Variants in KNSTRN observed in about 807,000 individuals in gnomAD.
The protein encoded by KNSTRN is kinetochore localized astrin (SPAG5) binding protein.
In KNSTRN, 38 loss-of-function variants were observed where a neutral mutation model predicts 44.7. That is an observed-to-expected ratio of 0.85 (90% CI 0.66 to 1.11). The LOEUF is 1.11. KNSTRN is among the 50% of genes most tolerant of loss of function. The pLI, the probability that KNSTRN is intolerant of heterozygous loss-of-function variation, is 0.00. For missense variants in KNSTRN, 406 were observed against 375.8 expected (o/e 1.08, Z -0.66); for synonymous variants, 158 against 148.1 (o/e 1.07, Z -0.48).
rs986152077 is a variant in KNSTRN at position 40,389,629 on chromosome 15, G to A, written c.591+18G>A. The A allele has an allele frequency of 6.4e-7, 1 of 1,573,890 alleles. No individual in the cohort carries two copies. ...AAACTCAGGTAAGAGACCCACCAGA[G>A]CTCTGTTACCAGCTGCCACTGGGCG... On this transcript the variant is annotated intron_variant, in intron 5 of 8. Transcript: ENST00000249776.
At chr15:40,385,934 A>G (rs1214454749) in intron 2 of KNSTRN, among the ~76,000 whole-genome samples, 6 of 152,232 alleles carry the variant, frequency 3.9e-5, no homozygotes, top group Non-Finnish European at 7.3e-5. Flanking sequence ...ATTAATCTTC[A>G]CATGTTGAAA....
chr15:40,388,991 A>G (rs1889950320), intron 4 of KNSTRN, among the ~76,000 whole-genome samples: 1 of 152,220 alleles, frequency 6.6e-6, no homozygotes, highest in Non-Finnish European at 1.5e-5. Flanking sequence ...CTTATTACTC[A>G]TAATAATAAT....
At chr15:40,383,190 G>T (rs750156271) in intron 1 of KNSTRN, 38 bp from the exon 2 acceptor site, 6 of 1,602,236 alleles carry the variant, frequency 3.7e-6, no homozygotes, top group Non-Finnish European at 5.1e-6. Flanking sequence ...CGGGCCCAGT[G>T]GCCCAGCGCT....
intron 4 of KNSTRN, 168 bp from the exon 5 acceptor site, chr15:40,389,338 C>G: frequency 1.7e-6 from 1 of 578,794 alleles, no homozygotes; most frequent in Non-Finnish European, 3.1e-6. Flanking sequence ...TTAGTAGAGA[C>G]AGGGTTTCTC....
chr15:40,391,621 T>A, intron 7 of KNSTRN, 67 bp downstream of exon 7: 1 of 1,304,274 alleles, frequency 7.7e-7, no homozygotes, highest in Non-Finnish European at 1.1e-6. Context: ...TCTAAGAAGG[T>A]CTCTGCTATA....
At position 40,391,931 on chromosome 15, in the gene KNSTRN, A is replaced by C. The variant is rs141295240; in HGVS notation, c.748-18A>C. On this transcript the variant is annotated intron_variant, in intron 7 of 8. Coordinates refer to ENST00000249776, the MANE Select transcript of KNSTRN (RefSeq NM_033286.4). ...TTTTATATGAAGATTTGTTTACTAC[A>C]TTGTGCTTTCCTCTTAGTTGCTGTT... The C allele has an allele frequency of 1.2e-6, 2 of 1,600,552 alleles. No homozygotes were observed. Among genetic ancestry groups the C allele is most frequent in the South Asian group, 1.1e-5 (1 of 88,758 alleles).
At chr15:40,387,727 G>C (rs1889925892) in intron 4 of KNSTRN, among the ~76,000 whole-genome samples, 1 of 152,178 alleles carries the variant, frequency 6.6e-6, no homozygotes, top group African/African-American at 2.4e-5. Flanking sequence ...TTTGAAGACA[G>C]CAGGGCACAC....
chr15:40,383,534 C>A lies in KNSTRN; in HGVS notation c.304+212C>A. On this transcript the variant is annotated intron_variant, in intron 2 of 8. Coordinates refer to ENST00000249776, the MANE Select transcript of KNSTRN (RefSeq NM_033286.4). ...TTTAGACGTGCTCTGCACTTTTCTG[C>A]CCGCATGTGTACTGTATTCATCAGT... is the stretch of plus-strand genomic sequence containing the variant. 5.4e-6 allele frequency: 3 copies of A among 555,930 alleles called. No individual in the cohort carries two copies. The Admixed American group carries it at 9.6e-5, about 18-fold the overall frequency. The allele number at this position is 555,930 out of a possible 1,614,324, so 34.4% of individuals were successfully genotyped here.
At chr15:40,393,307 T>C (rs8037941) in intron 8 of KNSTRN, 162 bp from the exon 9 acceptor site, 223,173 of 1,607,530 alleles carry the variant, frequency 0.14, 16,429 homozygotes, top group African/African-American at 0.18. Flanking sequence ...CTAAAACCAG[T>C]GCATAGAAAT....
chr15:40,387,245 G>C (rs952746443), intron 4 of KNSTRN, 39 bp downstream of exon 4: 4 of 1,460,674 alleles, frequency 2.7e-6, no homozygotes, highest in Non-Finnish European at 3.8e-6. Flanking sequence ...ACTATTCTAG[G>C]GTAGTGGATC....
intron 2 of KNSTRN, chr15:40,384,206 T>C (rs1206440468): frequency 3.4e-6 from 1 of 292,256 alleles, no homozygotes; most frequent in East Asian, 1.1e-4. Flanking sequence ...GCACCGTCTC[T>C]ACTAAAAAAT....
At chr15:40,384,527 A>G (rs554530025) in intron 2 of KNSTRN, 3 of 455,370 alleles carry the variant, frequency 6.6e-6, no homozygotes, top group Non-Finnish European at 1.3e-5. Context: ...CAGGTCTCTC[A>G]GCTGCTGTGT....
chr15:40,385,574 A>G (rs147854916), intron 2 of KNSTRN, among the ~76,000 whole-genome samples: 337 of 152,332 alleles, frequency 2.2e-3, no homozygotes, highest in African/African-American at 7.8e-3. Context: ...TTCATATGCC[A>G]GATACTTTCC....
At chr15:40,386,531 T>G in intron 3 of KNSTRN, 37 bp downstream of exon 3, 1 of 1,603,104 alleles carries the variant, frequency 6.2e-7, no homozygotes. Context: ...TAGAACATCT[T>G]CCTAGAAATT....
At chr15:40,392,624 C>G (rs1890019535) in intron 8 of KNSTRN, among the ~76,000 whole-genome samples, 1 of 152,154 alleles carries the variant, frequency 6.6e-6, no homozygotes, top group South Asian at 2.1e-4. Context: ...CCCAGGAGGG[C>G]AAGGAGATAA....
Position 40,393,539 on chromosome 15 carries a change from A to G in KNSTRN, c.893A>G (p.Asn298Ser). The G allele has an allele frequency of 6.2e-7, 1 of 1,614,166 alleles. No individual in the cohort carries two copies. Among genetic ancestry groups the G allele is most frequent in the Non-Finnish European group, 8.5e-7 (1 of 1,180,016 alleles). The change falls in exon 9 of 9, where the codon AAT (asparagine) becomes AGT (serine). Residue 298 changes from asparagine (N) to serine (S), a missense_variant. By Grantham distance (46) the Asn-to-Ser change is conservative (BLOSUM62 1). Coordinates refer to ENST00000249776, the MANE Select transcript of KNSTRN (RefSeq NM_033286.4). ...CTAGAACAGCAAACCTTATGTAACA[A>G]TCAAGTAAATGATTTAACAACAGCC... ...RFLEQQTLCN[N>S]QVNDLTTALK...
At chr15:40,386,872 G>A (rs1889912025) in intron 3 of KNSTRN, 4 of 541,804 alleles carry the variant, frequency 7.4e-6, no homozygotes, top group South Asian at 6.2e-5. Context: ...CCAGCAGTCA[G>A]TTCCAGGTGA....
chr15:40,388,424 G>A (rs146581460), intron 4 of KNSTRN, among the ~76,000 whole-genome samples: 5 of 152,226 alleles, frequency 3.3e-5, no homozygotes, highest in Admixed American at 6.5e-5. Context: ...TTTAAGGGCC[G>A]GCGCAGTGGC....
chr15:40,393,781 C>G lies in KNSTRN; in HGVS notation c.*184C>G, dbSNP rs1212659934. 5 of 511,540 alleles carry G rather than the reference C, an allele frequency of 9.8e-6. No individual in the cohort carries two copies. The highest frequency in any genetic ancestry group is 2.3e-5 in the South Asian group (1 of 43,934). 31.7% of individuals were successfully genotyped at this position (511,540 alleles called of 1,614,324 possible). ...TCCTCATTTAAGCAAGTTTTCCCAA[C>G]CTTCAGGTTGGTCAGCCCTCCTGAG... On this transcript the variant is annotated 3_prime_UTR_variant, in exon 9 of 9. Coordinates refer to ENST00000249776, the MANE Select transcript of KNSTRN (RefSeq NM_033286.4).
Sources: allele counts gnomAD v4.1 joint callset (sites outside exome capture counted in the v4.1 genomes callset), GRCh38; gene constraint gnomAD v4.1.1; transcripts MANE v1.5; gene names NCBI Gene and HGNC (gene_info 2026-07-23, HGNC 2026-07-21).